MKLN1: variants seen among roughly 807,000 people sequenced by gnomAD.
The protein encoded by MKLN1 is muskelin.
Under a neutral mutation model 99.0 loss-of-function variants are expected in MKLN1, and 18 were observed. The observed-to-expected ratio is 0.18, with a 90% CI of 0.13 to 0.27. The LOEUF (loss-of-function observed/expected upper bound fraction) is 0.27. Ranked by LOEUF, MKLN1 falls within the 10% of genes least tolerant of loss-of-function variation. The pLI, the probability that MKLN1 is intolerant of heterozygous loss-of-function variation, is 1.00. For synonymous variants in MKLN1, 288 were observed against 293.2 expected (o/e 0.98, Z 0.18); for missense variants, 621 against 875.9 (o/e 0.71, Z 3.67).
intron 2 of MKLN1, among the ~76,000 whole-genome samples, chr7:131,377,821 TA>T (rs1563319146): frequency 2.0e-5 from 3 of 152,222 alleles, no homozygotes; most frequent in Non-Finnish European, 4.4e-5. Context: ...GAGCGACGGG[TA>T]TTACATCAGA....
At chr7:131,138,739 G>C (rs998959751) in intron 1 of MKLN1, among the ~76,000 whole-genome samples, 1 of 152,088 alleles carries the variant, frequency 6.6e-6, no homozygotes, top group African/African-American at 2.4e-5. Flanking sequence ...AGTTTGTACA[G>C]CCTTGCCTAT....
At chr7:131,326,898 T>TA (rs1261034879), upstream of MKLN1, 1 of 152,238 alleles carries the variant, frequency 6.6e-6, no homozygotes, top group Non-Finnish European at 1.5e-5. Context: ...TCCAACCTCT[T>TA]AGACAATAAG....
At chr7:131,486,588 C>A (rs1445407015) in intron 17 of MKLN1, among the ~76,000 whole-genome samples, 1 of 152,112 alleles carries the variant, frequency 6.6e-6, no homozygotes, top group Non-Finnish European at 1.5e-5. Context: ...GAAAAGCAGT[C>A]TGATCTGAAG....
At chr7:131,355,758 T>G (rs1799857304) in intron 1 of MKLN1, among the ~76,000 whole-genome samples, 1 of 150,932 alleles carries the variant, frequency 6.6e-6, no homozygotes, top group Admixed American at 6.6e-5. Context: ...ACTCCTGGGC[T>G]CAAGTGATCC....
rs1267592601 is a variant in MKLN1 at position 131,441,403 on chromosome 7, A to T, written c.1174-2078A>T. On this transcript the variant is annotated intron_variant, in intron 10 of 17. Coordinates refer to ENST00000352689, the MANE Select transcript of MKLN1 (RefSeq NM_013255.5). ...AAGTCATTTTCAGGTTCAAAAAATA[A>T]TTTTTCCCAGGAAAATAAGTGGTTA... 2.0e-5 allele frequency among the ~76,000 whole-genome samples: 3 copies of T among 152,342 alleles called. No homozygotes were observed. The South Asian group carries it at 6.2e-4, about 32-fold the overall frequency.
chr7:131,227,588 C>T (rs1469800135), intron 3 of MKLN1, among the ~76,000 whole-genome samples: 2 of 140,788 alleles, frequency 1.4e-5, no homozygotes, highest in African/African-American at 5.3e-5. Flanking sequence ...TTTTTTGAGA[C>T]AGAATCTCAC....
chr7:131,305,510 G>C (rs1798449357), intron 3 of MKLN1, among the ~76,000 whole-genome samples: 1 of 152,170 alleles, frequency 6.6e-6, no homozygotes, highest in African/African-American at 2.4e-5. Flanking sequence ...ATAAGTCATT[G>C]TATCAGTCAA....
At chr7:131,436,436 C>T (rs1237981032) in intron 9 of MKLN1, among the ~76,000 whole-genome samples, 1 of 152,188 alleles carries the variant, frequency 6.6e-6, no homozygotes, top group Non-Finnish European at 1.5e-5. Context: ...TCAGTCATAA[C>T]TGCATAGACT....
intron 1 of MKLN1, among the ~76,000 whole-genome samples, chr7:131,353,735 AG>A (rs1417124148): frequency 1.3e-5 from 2 of 150,832 alleles, no homozygotes; most frequent in Admixed American, 1.3e-4. Flanking sequence ...ATTTTTTTAA[AG>A]TTTCATAGTT....
intron 1 of MKLN1, among the ~76,000 whole-genome samples, chr7:131,122,159 A>G (rs1473050763): frequency 6.6e-6 from 1 of 152,240 alleles, no homozygotes; most frequent in African/African-American, 2.4e-5. Context: ...AATGATCAGT[A>G]AACTTTTGTT....
chr7:131,337,473 A>G (rs1563299503), intron 1 of MKLN1, among the ~76,000 whole-genome samples: 1 of 152,042 alleles, frequency 6.6e-6, no homozygotes, highest in Non-Finnish European at 1.5e-5. Flanking sequence ...GAATTTAACT[A>G]TGTCCAATCT....
intron 3 of MKLN1, among the ~76,000 whole-genome samples, chr7:131,275,561 A>ATT (rs1163021502): frequency 1.4e-3 from 17 of 12,498 alleles, no homozygotes; most frequent in Admixed American, 3.8e-3. Flanking sequence ...ATATATATAT[A>ATT]TATATATTTT....
chr7:131,138,370 T>C (rs1294964167), intron 1 of MKLN1, among the ~76,000 whole-genome samples: 2 of 152,178 alleles, frequency 1.3e-5, no homozygotes, highest in Admixed American at 1.3e-4. Context: ...AAATTTTTCA[T>C]AAAAAATTTT....
In MKLN1 at chr7:131,217,282, T is replaced by C. The variant is rs1423279822; in HGVS notation, c.-179+14308T>C. Among the ~76,000 whole-genome samples, 3 of 152,296 alleles carry C rather than the reference T, an allele frequency of 2.0e-5. No individual in the cohort carries two copies. In the East Asian group the frequency reaches 5.8e-4, roughly 29 times the overall value. On this transcript the variant is annotated intron_variant, in intron 3 of 7. Coordinates refer to the MKLN1 transcript ENST00000416992. ...ATTTTTTTCAACAAATACAAATATG[T>C]ATTGAGTTCCTACTATGTGCTTACA...
intron 2 of MKLN1, among the ~76,000 whole-genome samples, chr7:131,386,202 C>T (rs367656654): frequency 7.2e-5 from 11 of 152,054 alleles, no homozygotes; most frequent in South Asian, 4.2e-4. Flanking sequence ...TTAGTAAAAA[C>T]GGGGTTTCAC....
At chr7:131,298,337 C>T (rs1003888223) in intron 3 of MKLN1, among the ~76,000 whole-genome samples, 2 of 151,996 alleles carry the variant, frequency 1.3e-5, no homozygotes, top group Non-Finnish European at 2.9e-5. Context: ...TGCCAAGGTG[C>T]TTGGATGATT....
intron 1 of MKLN1, among the ~76,000 whole-genome samples, chr7:131,141,351 T>G (rs887795847): frequency 2.0e-5 from 3 of 152,214 alleles, no homozygotes; most frequent in African/African-American, 7.2e-5. Flanking sequence ...TCTTCATATT[T>G]TTGCTGTCTT....
At chr7:131,372,397 AG>A (rs529421304) in intron 1 of MKLN1, among the ~76,000 whole-genome samples, 19 of 152,210 alleles carry the variant, frequency 1.2e-4, no homozygotes, top group Admixed American at 1.2e-3. Flanking sequence ...AACACAAAAA[AG>A]CACAAAGAAA....
intron 15 of MKLN1, 79 bp downstream of exon 15, chr7:131,466,494 T>C (rs1185757599): frequency 9.8e-7 from 1 of 1,019,988 alleles, no homozygotes; most frequent in East Asian, 2.7e-5. Flanking sequence ...AATGAGACAG[T>C]GTAAATACTA....
Sources: gnomAD v4.1 joint callset for allele counts (sites outside exome capture counted in the v4.1 genomes callset) on GRCh38, gnomAD v4.1.1 for gene constraint, MANE v1.5 for transcripts, NCBI Gene and HGNC (gene_info 2026-07-23, HGNC 2026-07-21) for gene names.